NAALADL2: variants seen among roughly 807,000 people sequenced by gnomAD.
The protein encoded by NAALADL2 is N-acetylated alpha-linked acidic dipeptidase like 2.
A neutral mutation model predicts 87.2 loss-of-function variants in NAALADL2; 76 were observed. That is an observed-to-expected ratio of 0.87 (90% confidence interval 0.72 to 1.05). NAALADL2 has a LOEUF of 1.05. Ranked by LOEUF, NAALADL2 falls within the 50% of genes least tolerant of loss-of-function variation. The pLI is 0.00. For missense variants in NAALADL2, 1,089 were observed against 945.8 expected (o/e 1.15, Z -1.99); for synonymous variants, 354 against 331.0 (o/e 1.07, Z -0.75).
chr3:175,390,082 G>T (rs1768891746), intron 5 of NAALADL2, among the ~76,000 whole-genome samples: 1 of 151,652 alleles, frequency 6.6e-6, no homozygotes, highest in South Asian at 2.1e-4. Flanking sequence ...GAAAAAAATA[G>T]AACTTTAAGA....
intron 1 of NAALADL2, among the ~76,000 whole-genome samples, chr3:175,040,052 C>T (rs564788190): frequency 8.2e-4 from 125 of 152,274 alleles, no homozygotes; most frequent in Middle Eastern, 6.8e-3. Flanking sequence ...CGCATACACT[C>T]AACCCCAGCC....
chr3:175,231,629 G>A (rs1041434794), intron 2 of NAALADL2, among the ~76,000 whole-genome samples: 9 of 151,962 alleles, frequency 5.9e-5, no homozygotes, highest in Non-Finnish European at 1.2e-4. Context: ...CCAACAAAAG[G>A]AATGGCAGAT....
chr3:175,461,053 G>A (rs1210013816), intron 6 of NAALADL2, among the ~76,000 whole-genome samples: 2 of 152,144 alleles, frequency 1.3e-5, no homozygotes, highest in African/African-American at 4.8e-5. Context: ...GCAGAGTGCT[G>A]ATTGGTGGGT....
chr3:175,371,600 G>A (rs1294549129), intron 5 of NAALADL2, among the ~76,000 whole-genome samples: 1 of 152,018 alleles, frequency 6.6e-6, no homozygotes, highest in African/African-American at 2.4e-5. Context: ...CAAGGCGGGT[G>A]GATCACCTGA....
At chr3:175,619,263 G>GGAAA (rs1725838086) in intron 10 of NAALADL2, among the ~76,000 whole-genome samples, 1 of 77,272 alleles carries the variant, frequency 1.3e-5, no homozygotes, top group Non-Finnish European at 2.9e-5. Context: ...AAGGAAGGAA[G>GGAAA]GAAGGAGAAG....
At chr3:174,952,820 A>C (rs1024341262) in intron 1 of NAALADL2, among the ~76,000 whole-genome samples, 1 of 152,236 alleles carries the variant, frequency 6.6e-6, no homozygotes, top group South Asian at 2.1e-4. Context: ...TAGGGCAACC[A>C]TATGTCACTG....
rs372009360 is a variant in NAALADL2 at position 175,093,914 on chromosome 3, A to T, written c.44-2876A>T. Among the ~76,000 whole-genome samples the T allele has an allele frequency of 2.6e-5, 4 of 151,918 alleles. No individual in the cohort carries two copies. The East Asian group carries it at 5.8e-4, about 22-fold the overall frequency. ...CTGTCTGATGTTTGAAGACCGTTAA[A>T]TTGCTGATGTACATGTGATGGAATG... is the stretch of plus-strand genomic sequence containing the variant. On this transcript the variant is annotated intron_variant, in intron 1 of 13. Coordinates refer to ENST00000454872, the MANE Select transcript of NAALADL2 (RefSeq NM_207015.3).
intron 11 of NAALADL2, among the ~76,000 whole-genome samples, chr3:175,720,822 G>A (rs1258552240): frequency 2.0e-5 from 3 of 152,030 alleles, no homozygotes; most frequent in Non-Finnish European, 4.4e-5. Context: ...CTAATCTAAA[G>A]TATCATTCAA....
At chr3:175,460,498 A>C (rs1434157982) in intron 6 of NAALADL2, among the ~76,000 whole-genome samples, 1 of 152,204 alleles carries the variant, frequency 6.6e-6, no homozygotes. Context: ...GCAAAAGATT[A>C]GGTTTATTTT....
At chr3:174,652,609 C>T (rs1216386450) in intron 2 of NAALADL2, among the ~76,000 whole-genome samples, 1 of 152,032 alleles carries the variant, frequency 6.6e-6, no homozygotes, top group African/African-American at 2.4e-5. Flanking sequence ...TGGGAAAAAC[C>T]CGCTCCCATG....
At chr3:174,982,839 C>T (rs1215926565) in intron 1 of NAALADL2, among the ~76,000 whole-genome samples, 1 of 151,948 alleles carries the variant, frequency 6.6e-6, no homozygotes, top group Admixed American at 6.6e-5. Context: ...GCTCTGTTGC[C>T]CAGGCTGAAG....
intron 1 of NAALADL2, among the ~76,000 whole-genome samples, chr3:174,523,201 A>G (rs1483483419): frequency 1.3e-5 from 2 of 152,130 alleles, no homozygotes; most frequent in Non-Finnish European, 2.9e-5. Context: ...TGTTTTGGTA[A>G]TCATCATTAA....
intron 6 of NAALADL2, chr3:175,460,138 C>G (rs1019880178): frequency 4.4e-6 from 2 of 456,080 alleles, no homozygotes; most frequent in African/African-American, 4.0e-5. Context: ...ATTGCCTTAC[C>G]AACGGATTGT....
chr3:175,374,553 G>GAAAAAAA lies in NAALADL2; in HGVS notation c.1090+50254_1090+50260dup, dbSNP rs765485400. 7.0e-4 allele frequency among the ~76,000 whole-genome samples: 32 copies of GAAAAAAA among 45,412 alleles called. 1 individual carries two copies. The highest frequency in any genetic ancestry group is 9.1e-4 in the Non-Finnish European group (22 of 24,066). 29.8% of individuals were successfully genotyped at this position (45,412 alleles called of 152,430 possible). On this transcript the variant is annotated intron_variant, in intron 5 of 13. Transcript: ENST00000454872. ...AGTGCTGAGTACCACTGCATCTCCA[G>GAAAAAAA]AAAAAAAAAAAAAAAAAAAAAAAAA...
intron 1 of NAALADL2, among the ~76,000 whole-genome samples, chr3:174,947,688 G>T (rs1739659987): frequency 6.6e-6 from 1 of 151,032 alleles, no homozygotes. Flanking sequence ...CTAGTATACA[G>T]GTTTTAAAAA....
chr3:175,250,049 A>G (rs1180989612), intron 3 of NAALADL2, among the ~76,000 whole-genome samples: 1 of 151,908 alleles, frequency 6.6e-6, no homozygotes, highest in Non-Finnish European at 1.5e-5. Flanking sequence ...CATGCCTGTA[A>G]TCCCAGCTAC....
intron 3 of NAALADL2, among the ~76,000 whole-genome samples, chr3:175,245,557 C>T (rs1747823028): frequency 1.3e-5 from 2 of 152,190 alleles, no homozygotes; most frequent in South Asian, 4.1e-4. Context: ...AGGCAAGTAG[C>T]AACTCTGGTT....
intron 3 of NAALADL2, among the ~76,000 whole-genome samples, chr3:174,783,977 A>G (rs1041307640): frequency 7.2e-5 from 11 of 152,182 alleles, no homozygotes; most frequent in Non-Finnish European, 1.6e-4. Context: ...TAACTAAAGA[A>G]TATATACTAG....
At chr3:175,715,827 A>T (rs1181295804) in intron 11 of NAALADL2, among the ~76,000 whole-genome samples, 2 of 152,140 alleles carry the variant, frequency 1.3e-5, no homozygotes, top group Non-Finnish European at 2.9e-5. Flanking sequence ...GTGAGCCAAG[A>T]TTGTGCCACT....
Sources: gnomAD v4.1 joint callset for allele counts (sites outside exome capture counted in the v4.1 genomes callset) on GRCh38, gnomAD v4.1.1 for gene constraint, MANE v1.5 for transcripts, NCBI Gene and HGNC (gene_info 2026-07-23, HGNC 2026-07-21) for gene names.